Variants in GALNTL6 observed in about 807,000 individuals in gnomAD.
GALNTL6 encodes the protein polypeptide N-acetylgalactosaminyltransferase-like 6.
In GALNTL6, 46 loss-of-function variants were observed where a neutral mutation model predicts 73.7. That is an observed-to-expected ratio of 0.62 (90% CI 0.49 to 0.80). The LOEUF is 0.80. Ranked by LOEUF, GALNTL6 falls within the 30% of genes least tolerant of loss-of-function variation. The pLI is 0.00. For synonymous variants in GALNTL6, 259 were observed against 263.7 expected, an observed-to-expected ratio of 0.98 and a Z score of 0.17; for missense variants, 604 against 755.0, an observed-to-expected ratio of 0.80 and a Z score of 2.34.
At chr4:172,435,270 C>T (rs1197284454) in intron 5 of GALNTL6, among the ~76,000 whole-genome samples, 1 of 152,238 alleles carries the variant, frequency 6.6e-6, no homozygotes, top group East Asian at 1.9e-4. Flanking sequence ...CACAAAGCAC[C>T]TAGATGACTG....
intron 2 of GALNTL6, among the ~76,000 whole-genome samples, chr4:171,988,574 G>T (rs976902019): frequency 2.6e-5 from 4 of 152,152 alleles, no homozygotes; most frequent in South Asian, 2.1e-4. Flanking sequence ...GAGTATATGG[G>T]TTTGGCACCA....
chr4:173,031,572 G>A (rs1753461630), intron 12 of GALNTL6, among the ~76,000 whole-genome samples: 1 of 151,734 alleles, frequency 6.6e-6, no homozygotes, highest in Non-Finnish European at 1.5e-5. Flanking sequence ...CTTCCTGTTT[G>A]TCCACATTCA....
At chr4:171,832,047 T>C (rs1734989686) in intron 2 of GALNTL6, among the ~76,000 whole-genome samples, 1 of 151,406 alleles carries the variant, frequency 6.6e-6, no homozygotes, top group Non-Finnish European at 1.5e-5. Flanking sequence ...ATATCTTTGA[T>C]CTGGATAATT....
rs573097545 is a variant in GALNTL6, at chr4:172,036,227, G to A, written c.139-193429G>A. ...GTAATTCAGTTTATAGAAAAAAAAT[G>A]CAGGCTATTTCTTTAACCCAAAGGT... On this transcript the variant is annotated intron_variant, in intron 2 of 12. Transcript: ENST00000506823. 3.9e-5 allele frequency among the ~76,000 whole-genome samples: 6 copies of A among 152,112 alleles called. No individual in the cohort carries two copies. In the East Asian group the frequency reaches 1.2e-3, roughly 29 times the overall value.
chr4:171,910,908 A>G (rs1340747961), intron 2 of GALNTL6, among the ~76,000 whole-genome samples: 1 of 152,170 alleles, frequency 6.6e-6, no homozygotes, highest in African/African-American at 2.4e-5. Context: ...TTTTATGTCA[A>G]TGCTATAGCC....
chr4:172,437,042 G>T (rs1437308653), intron 5 of GALNTL6, among the ~76,000 whole-genome samples: 1 of 151,884 alleles, frequency 6.6e-6, no homozygotes, highest in African/African-American at 2.4e-5. Context: ...ATAAACACTT[G>T]TGAGGCCACC....
intron 10 of GALNTL6, among the ~76,000 whole-genome samples, chr4:173,006,979 C>T (rs1375534868): frequency 6.6e-6 from 1 of 152,134 alleles, no homozygotes; most frequent in African/African-American, 2.4e-5. Context: ...AAAGCAGAGC[C>T]CCAGCAGTAG....
chr4:172,580,786 T>C (rs188327198), intron 5 of GALNTL6, among the ~76,000 whole-genome samples: 39 of 152,356 alleles, frequency 2.6e-4, no homozygotes, highest in African/African-American at 9.1e-4. Context: ...TTTGTTTGTT[T>C]GTTTGTTTTT....
rs188984834 is a variant in GALNTL6, at chr4:172,551,728, G to A, written c.553+203039G>A. Among the ~76,000 whole-genome samples, 201 of 152,226 alleles carry A rather than the reference G, an allele frequency of 1.3e-3. 1 individual carries two copies. Among genetic ancestry groups the A allele is most frequent in the Non-Finnish European group, 2.5e-3 (167 of 67,980 alleles). On this transcript the variant is annotated intron_variant, in intron 5 of 12. Transcript: ENST00000506823. ...AAGAATATACTACCAACATAAACTA[G>A]CTTCTGCTAAGCTCAGGGTACAAAA...
chr4:172,784,788 C>A (rs1167797659), intron 5 of GALNTL6, among the ~76,000 whole-genome samples: 1 of 152,084 alleles, frequency 6.6e-6, no homozygotes, highest in East Asian at 1.9e-4. Context: ...TGCTTGTTTG[C>A]TACTTATAAA....
At chr4:171,897,809 T>TA (rs1467029095) in intron 2 of GALNTL6, among the ~76,000 whole-genome samples, 4 of 148,872 alleles carry the variant, frequency 2.7e-5, no homozygotes, top group African/African-American at 9.9e-5. Context: ...GCGCCTATAA[T>TA]CCCAGCTACT....
intron 5 of GALNTL6, among the ~76,000 whole-genome samples, chr4:172,456,987 G>A (rs1040235657): frequency 2.6e-5 from 4 of 152,154 alleles, no homozygotes; most frequent in African/African-American, 9.7e-5. Flanking sequence ...AAGCCCATTA[G>A]ACTAACAGAG....
At chr4:171,840,066 C>G (rs528859112) in intron 2 of GALNTL6, among the ~76,000 whole-genome samples, 3 of 152,148 alleles carry the variant, frequency 2.0e-5, no homozygotes, top group South Asian at 2.1e-4. Flanking sequence ...TAGTGCCGGC[C>G]AGGGATATTT....
intron 5 of GALNTL6, among the ~76,000 whole-genome samples, chr4:172,729,366 T>A (rs1736014795): frequency 6.6e-6 from 1 of 152,214 alleles, no homozygotes; most frequent in Non-Finnish European, 1.5e-5. Flanking sequence ...GTTTCTGGTC[T>A]TAGATTCAAG....
intron 5 of GALNTL6, among the ~76,000 whole-genome samples, chr4:172,721,766 A>G (rs1370653557): frequency 6.6e-6 from 1 of 152,204 alleles, no homozygotes. Context: ...TCAATACTTT[A>G]TGTGGTCTTT....
At chr4:171,878,671 T>C (rs1208588274) in intron 2 of GALNTL6, among the ~76,000 whole-genome samples, 1 of 152,196 alleles carries the variant, frequency 6.6e-6, no homozygotes, top group Non-Finnish European at 1.5e-5. Context: ...ATTGTTGACT[T>C]GGATACATAA....
chr4:172,713,774 A>G (rs1221412714), intron 5 of GALNTL6, among the ~76,000 whole-genome samples: 1 of 152,174 alleles, frequency 6.6e-6, no homozygotes, highest in African/African-American at 2.4e-5. Flanking sequence ...TCTCAAATCC[A>G]TCCCTGATCT....
chr4:172,064,893 A>G (rs1560907295), intron 2 of GALNTL6, among the ~76,000 whole-genome samples: 1 of 152,166 alleles, frequency 6.6e-6, no homozygotes, highest in Non-Finnish European at 1.5e-5. Flanking sequence ...TTCAATATAA[A>G]TATCTCATAT....
At chr4:172,182,176 A>G (rs1735268424) in intron 2 of GALNTL6, among the ~76,000 whole-genome samples, 1 of 152,232 alleles carries the variant, frequency 6.6e-6, no homozygotes, top group Admixed American at 6.5e-5. Context: ...CAAAGGGAAT[A>G]AAATATCTGG....
Sources: allele counts gnomAD v4.1 joint callset (sites outside exome capture counted in the v4.1 genomes callset), GRCh38; gene constraint gnomAD v4.1.1; transcripts MANE v1.5; gene names NCBI Gene and HGNC (gene_info 2026-07-23, HGNC 2026-07-21).